AKAP19: variants seen among roughly 807,000 people sequenced by gnomAD.
AKAP19 encodes the protein A-kinase anchoring protein 19, also known as small A-kinase anchoring protein.
the AKAP19 span, among the ~76,000 whole-genome samples, chr2:190,160,417 AAT>A: frequency 3.4e-3 from 518 of 152,214 alleles, 5 homozygotes; most frequent in African/African-American, 0.012. Context: ...GCCAAACCCA[AAT>A]ATTAGTCTCT....
At chr2:190,108,732 A>C in the AKAP19 span, among the ~76,000 whole-genome samples, 7 of 151,396 alleles carry the variant, frequency 4.6e-5, no homozygotes, top group African/African-American at 1.5e-4. Context: ...AGAAGTTAGA[A>C]TGGAAAGGAA....
At chr2:190,193,189 AT>A in the AKAP19 span, among the ~76,000 whole-genome samples, 4 of 151,506 alleles carry the variant, frequency 2.6e-5, no homozygotes, top group Admixed American at 6.6e-5. Flanking sequence ...TTTTATCAAA[AT>A]TTTTTTTCTG....
the AKAP19 span, among the ~76,000 whole-genome samples, chr2:190,105,039 G>A: frequency 6.6e-6 from 1 of 152,188 alleles, no homozygotes; most frequent in Non-Finnish European, 1.5e-5. Flanking sequence ...ACAGTTAGTG[G>A]AAGTCTAAAT....
At chr2:190,053,510 T>C in the AKAP19 span, among the ~76,000 whole-genome samples, 1 of 152,140 alleles carries the variant, frequency 6.6e-6, no homozygotes, top group Non-Finnish European at 1.5e-5. Context: ...AGTACCATTT[T>C]TCATTGCTCG....
the AKAP19 span, among the ~76,000 whole-genome samples, chr2:189,947,052 G>C: frequency 4.6e-5 from 7 of 152,104 alleles, no homozygotes; most frequent in African/African-American, 7.2e-5. Context: ...TTTTCAAAAT[G>C]GAGTGAAAAT....
At chr2:189,884,619 T>C in the AKAP19 span, among the ~76,000 whole-genome samples, 1 of 152,086 alleles carries the variant, frequency 6.6e-6, no homozygotes, top group African/African-American at 2.4e-5. Context: ...TATTCCCCCA[T>C]AAAAAAATAA....
the AKAP19 span, among the ~76,000 whole-genome samples, chr2:190,069,941 A>T: frequency 6.6e-6 from 1 of 152,340 alleles, no homozygotes; most frequent in East Asian, 1.9e-4. Context: ...ATATGATTTA[A>T]ATTAGAATTA....
At chr2:189,986,115 C>A in the AKAP19 span, among the ~76,000 whole-genome samples, 2 of 152,072 alleles carry the variant, frequency 1.3e-5, no homozygotes, top group African/African-American at 4.8e-5. Context: ...TGTGGTATCT[C>A]CTAAAATCTA....
chr2:189,988,504 C>T, the AKAP19 span, among the ~76,000 whole-genome samples: 2 of 152,142 alleles, frequency 1.3e-5, no homozygotes, highest in Non-Finnish European at 2.9e-5. Flanking sequence ...CAGCCTATGC[C>T]CAGGAATGAA....
At chr2:189,886,971 C>T in the AKAP19 span, among the ~76,000 whole-genome samples, 1 of 152,018 alleles carries the variant, frequency 6.6e-6, no homozygotes, top group South Asian at 2.1e-4. Flanking sequence ...CTCAATAAGA[C>T]TTGTTCTTGC....
At chr2:189,940,990 T>A in the AKAP19 span, among the ~76,000 whole-genome samples, 1 of 152,136 alleles carries the variant, frequency 6.6e-6, no homozygotes, top group African/African-American at 2.4e-5. Context: ...AAATGGAGGA[T>A]CTTAAAAATA....
At chr2:189,965,071 T>A in the AKAP19 span, among the ~76,000 whole-genome samples, 3 of 152,196 alleles carry the variant, frequency 2.0e-5, no homozygotes, top group African/African-American at 4.8e-5. Flanking sequence ...ATGCAACTCT[T>A]CCTTTCACTT....
the AKAP19 span, among the ~76,000 whole-genome samples, chr2:189,976,123 T>C: frequency 5.3e-5 from 8 of 152,128 alleles, no homozygotes; most frequent in Non-Finnish European, 7.4e-5. Context: ...CTACCTTTGG[T>C]TTTTGATGAT....
At chr2:189,990,688 A>G in the AKAP19 span, among the ~76,000 whole-genome samples, 2 of 152,102 alleles carry the variant, frequency 1.3e-5, no homozygotes, top group East Asian at 3.8e-4. Context: ...AAAACTGAGT[A>G]TTATTTATTC....
At chr2:190,174,990 G>A in the AKAP19 span, among the ~76,000 whole-genome samples, 2 of 114,512 alleles carry the variant, frequency 1.7e-5, no homozygotes, top group African/African-American at 5.6e-5. Flanking sequence ...AAGCACATAA[G>A]ATACATAGAT....
At chr2:190,037,856 A>C in the AKAP19 span, among the ~76,000 whole-genome samples, 4 of 152,224 alleles carry the variant, frequency 2.6e-5, no homozygotes, top group Admixed American at 6.5e-5. Context: ...TCTAATGATG[A>C]AAAATGCTTG....
At chr2:189,930,905 G>T in the AKAP19 span, 1 of 718,776 alleles carries the variant, frequency 1.4e-6, no homozygotes, top group Non-Finnish European at 2.5e-6. Flanking sequence ...TATGGCAGCG[G>T]CTCCTGATAC....
the AKAP19 span, among the ~76,000 whole-genome samples, chr2:190,037,598 A>T: frequency 6.6e-6 from 1 of 152,228 alleles, no homozygotes. Flanking sequence ...AGGTAAGAAC[A>T]GTTTAAAAGG....
At chr2:190,184,003 A>T in the AKAP19 span, among the ~76,000 whole-genome samples, 1 of 152,122 alleles carries the variant, frequency 6.6e-6, no homozygotes, top group Middle Eastern at 3.2e-3. Context: ...TATAGTAAGT[A>T]TACTATGCAC....
Sources: gnomAD v4.1 joint callset for allele counts (sites outside exome capture counted in the v4.1 genomes callset) on GRCh38, gnomAD v4.1.1 for gene constraint, MANE v1.5 for transcripts, NCBI Gene and HGNC (gene_info 2026-07-23, HGNC 2026-07-21) for gene names.